Variants in RPAP2 observed in about 807,000 individuals in gnomAD.
RPAP2 encodes the protein RNA polymerase II associated protein 2.
In RPAP2, 52 loss-of-function variants were observed where a neutral mutation model predicts 73.1. The observed-to-expected ratio is 0.71, with a 90% CI of 0.57 to 0.90. The LOEUF (loss-of-function observed/expected upper bound fraction) is 0.90. Ranked by LOEUF, RPAP2 falls within the 40% of genes least tolerant of loss-of-function variation. The pLI, the probability that RPAP2 is intolerant of heterozygous loss-of-function variation, is 0.00. For missense variants in RPAP2, 598 were observed against 701.8 expected (o/e 0.85, Z 1.67); for synonymous variants, 225 against 242.1 (o/e 0.93, Z 0.65).
chr1:92,317,139 AGATTTACTACT>A (rs1651954820), intron 6 of RPAP2, among the ~76,000 whole-genome samples: 1 of 152,220 alleles, frequency 6.6e-6, no homozygotes, highest in Non-Finnish European at 1.5e-5. Context: ...TTCGAATCCT[AGATTTACTACT>A]TGTTAGCTAT....
chr1:92,392,455 T>C lies in RPAP2; in HGVS notation c.*5444T>C, dbSNP rs1019973007. The C allele has an allele frequency of 3.3e-5, 5 of 152,208 alleles. No individual in the cohort carries two copies. Among genetic ancestry groups the C allele is most frequent in the African/African-American group, 1.2e-4 (5 of 41,452 alleles). The allele number at this position is 152,208 out of a possible 1,614,324, so 9.4% of individuals were successfully genotyped here. A position where few individuals can be genotyped will look rare whatever the true frequency, so the allele number is the denominator to read the frequency against. On this transcript the variant is annotated 3_prime_UTR_variant, in exon 13 of 13. Coordinates refer to ENST00000610020, the MANE Select transcript of RPAP2 (RefSeq NM_024813.3). ...ACTGAATGGGCAAAAGCTGGAAGCA[T>C]TTCCTTTGAAGACCAGCACAAGGCA...
Position 92,380,844 on chromosome 1 carries a change from C to T in RPAP2, c.1809C>T (p.Ile603=). Residue 603 remains isoleucine (I), a synonymous_variant, in exon 12 of 13, where the codon ATC becomes ATT. Coordinates refer to ENST00000610020, the MANE Select transcript of RPAP2 (RefSeq NM_024813.3). The part of the protein sequence containing the change: ...LKNEDLESLT[I]IFRTSCLPE ...ATGAAGACCTTGAAAGTCTAACCAT[C>T]ATATTTAGAACCAGCTGTTTACCAG... The T allele has an allele frequency of 6.3e-7, 1 of 1,595,516 alleles. No homozygotes were observed. The highest frequency in any genetic ancestry group is 8.5e-7 in the Non-Finnish European group (1 of 1,173,512).
intron 5 of RPAP2, among the ~76,000 whole-genome samples, chr1:92,305,245 A>G (rs1017766892): frequency 3.9e-5 from 6 of 151,934 alleles, no homozygotes; most frequent in African/African-American, 1.5e-4. Context: ...ATCCTGGCTA[A>G]CACAGTGAAA....
At chr1:92,386,674 A>G (rs532209381) in intron 12 of RPAP2, among the ~76,000 whole-genome samples, 1 of 152,220 alleles carries the variant, frequency 6.6e-6, no homozygotes, top group Admixed American at 6.5e-5. Flanking sequence ...AGCTAGTAAA[A>G]TACTTTACAT....
intron 5 of RPAP2, among the ~76,000 whole-genome samples, chr1:92,306,124 C>A (rs2101112153): frequency 6.6e-6 from 1 of 152,198 alleles, no homozygotes; most frequent in Admixed American, 6.5e-5. Context: ...TAAGCCAGCA[C>A]AAAAGGACAA....
At chr1:92,361,398 TC>T (rs1241241156) in intron 11 of RPAP2, among the ~76,000 whole-genome samples, 1 of 152,134 alleles carries the variant, frequency 6.6e-6, no homozygotes, top group Non-Finnish European at 1.5e-5. Flanking sequence ...TGTTGATACA[TC>T]AAAAGAATGA....
At position 92,390,614 on chromosome 1, in the gene RPAP2, G is replaced by A. The variant is rs1388415706; in HGVS notation, c.*3603G>A. On this transcript the variant is annotated 3_prime_UTR_variant, in exon 13 of 13. Transcript: ENST00000610020. ...CACAGACTGGCAAATTGAATAAACA[G>A]TCAAGACCCATCAGTGAGCTATATT... is the stretch of plus-strand genomic sequence containing the variant. 6.6e-6 allele frequency: 1 copy of A among 152,158 alleles called. No homozygotes were observed. Among genetic ancestry groups the A allele is most frequent in the Non-Finnish European group, 1.5e-5 (1 of 68,036 alleles). 9.4% of individuals were successfully genotyped at this position (152,158 alleles called of 1,614,324 possible).
intron 10 of RPAP2, among the ~76,000 whole-genome samples, chr1:92,340,572 A>G (rs1161441329): frequency 6.6e-6 from 1 of 152,234 alleles, no homozygotes; most frequent in African/African-American, 2.4e-5. Flanking sequence ...TTTAACAACT[A>G]TAGATGTCCG....
intron 11 of RPAP2, among the ~76,000 whole-genome samples, chr1:92,360,050 C>T (rs761549787): frequency 1.2e-4 from 19 of 152,300 alleles, no homozygotes; most frequent in Non-Finnish European, 2.4e-4. Context: ...TCTGTAAAAA[C>T]ATATACTTTG....
intron 5 of RPAP2, among the ~76,000 whole-genome samples, chr1:92,304,903 A>AG (rs1022645594): frequency 6.6e-6 from 1 of 152,096 alleles, no homozygotes; most frequent in Non-Finnish European, 1.5e-5. Flanking sequence ...TGGGAGGCCA[A>AG]GGGGGGCGGA....
chr1:92,338,032 T>C lies in RPAP2; in HGVS notation c.1619+1605T>C, dbSNP rs866058794. ...ACTATCATTCTGTTTTCCTAAATAA[T>C]TGAAAGTTATTACTGATTGTTTTAT... On this transcript the variant is annotated intron_variant, in intron 10 of 12. Coordinates refer to ENST00000610020, the MANE Select transcript of RPAP2 (RefSeq NM_024813.3). Among the ~76,000 whole-genome samples, 9 of 152,312 alleles carry C rather than the reference T, an allele frequency of 5.9e-5. No individual in the cohort carries two copies. The South Asian group carries it at 6.2e-4, about 11-fold the overall frequency.
At position 92,394,644 on chromosome 1, in the gene RPAP2, C is replaced by G. The variant is rs1250722959; in HGVS notation, c.*7633C>G. 6.6e-6 allele frequency: 1 copy of G among 151,942 alleles called. No individual in the cohort carries two copies. Among genetic ancestry groups the G allele is most frequent in the Non-Finnish European group, 1.5e-5 (1 of 68,058 alleles). 9.4% of individuals were successfully genotyped at this position (151,942 alleles called of 1,614,324 possible). On this transcript the variant is annotated 3_prime_UTR_variant, in exon 13 of 13. Transcript: ENST00000610020. ...CTCCAGCCTGGGCAACAGAGCAAGA[C>G]CCTGTCTCAAAAAAAGAAAAAGAAA...
At chr1:92,370,216 A>C (rs1489911993) in intron 11 of RPAP2, among the ~76,000 whole-genome samples, 1 of 152,104 alleles carries the variant, frequency 6.6e-6, no homozygotes, top group African/African-American at 2.4e-5. Context: ...GGGGTTGGAC[A>C]TGTTTTGTTT....
chr1:92,354,198 G>C (rs987346684), intron 11 of RPAP2, among the ~76,000 whole-genome samples: 2 of 152,158 alleles, frequency 1.3e-5, no homozygotes, highest in African/African-American at 4.8e-5. Context: ...TGAGCTCCCT[G>C]AGAGCTAGGA....
At position 92,307,201 on chromosome 1, in the gene RPAP2, A is replaced by T; in HGVS notation, c.413A>T (p.Asn138Ile). ...TGTTCTTTTCAGTCTTTTTGCAGCA[A>T]TTTTTGTTATCAAGCATCTAAGTTT... ...DITERKSFCS[N>I]FCYQASKFFE... Residue 138 changes from asparagine to isoleucine, a missense_variant, in exon 6 of 13, where the codon AAT becomes ATT. Asn to Ile is a moderately radical substitution (Grantham distance 149, BLOSUM62 -3). Around this residue, in one of 3 missense-constraint regions of RPAP2, gnomAD observed 506 missense variants for 612.8 expected, o/e 0.83. Transcript: ENST00000610020. 1 of 1,610,836 alleles carries T rather than the reference A, an allele frequency of 6.2e-7. No individual in the cohort carries two copies. The highest frequency in any genetic ancestry group is 1.7e-5 in the Admixed American group (1 of 59,502).
intron 7 of RPAP2, 85 bp from the exon 8 acceptor site, chr1:92,323,360 C>T: frequency 1.1e-6 from 1 of 927,996 alleles, no homozygotes. Context: ...TGTATAAATA[C>T]TATGGGGTAC....
chr1:92,324,607 C>G (rs2101185087), intron 8 of RPAP2, among the ~76,000 whole-genome samples: 1 of 152,232 alleles, frequency 6.6e-6, no homozygotes, highest in Middle Eastern at 3.4e-3. Flanking sequence ...ATATTTTTTT[C>G]TAATGTAAAA....
chr1:92,331,560 A>G (rs1250380453), intron 8 of RPAP2, among the ~76,000 whole-genome samples: 1 of 152,170 alleles, frequency 6.6e-6, no homozygotes, highest in African/African-American at 2.4e-5. Context: ...AGTCTAATGT[A>G]AGTTAATACT....
intron 5 of RPAP2, among the ~76,000 whole-genome samples, chr1:92,306,146 T>C (rs577674019): frequency 1.5e-4 from 23 of 152,272 alleles, no homozygotes; most frequent in African/African-American, 5.1e-4. Flanking sequence ...TACTGTATGC[T>C]TTCACTTATA....
Sources: allele counts gnomAD v4.1 joint callset (sites outside exome capture counted in the v4.1 genomes callset), GRCh38; gene constraint gnomAD v4.1.1; regional missense constraint gnomAD v4.1.1; transcripts MANE v1.5; gene names NCBI Gene and HGNC (gene_info 2026-07-23, HGNC 2026-07-21).